Variants in LIMCH1 observed in about 807,000 individuals in gnomAD.
LIMCH1 encodes the protein LIM and calponin homology domains 1.
In LIMCH1, 113 loss-of-function variants were observed where a neutral mutation model predicts 176.5. The ratio of observed to expected loss-of-function variants is 0.64; its 90% CI spans 0.55 to 0.75. The LOEUF (loss-of-function observed/expected upper bound fraction) is 0.75. LIMCH1 is among the 30% of genes least tolerant of loss of function. The pLI, the probability that LIMCH1 is intolerant of heterozygous loss-of-function variation, is 0.00. For synonymous variants in LIMCH1, 619 were observed against 645.9 expected (o/e 0.96, Z 0.63); for missense variants, 1,674 against 1,814.9 (o/e 0.92, Z 1.41).
At chr4:41,691,323 G>T (rs1390822503) in intron 30 of LIMCH1, among the ~76,000 whole-genome samples, 1 of 152,104 alleles carries the variant, frequency 6.6e-6, no homozygotes, top group Non-Finnish European at 1.5e-5. Flanking sequence ...AACTTCCACT[G>T]CCTTTCTACC....
chr4:41,644,518 C>G lies in LIMCH1; in HGVS notation c.2145C>G (p.Asp715Glu), dbSNP rs748534413. ...CACTCAGGAGCACCAGCATGTTTGACATGCGGTGTGAGGAGGAGGCCGCGG... is the reference window on the plus strand; with the variant it reads ...CACTCAGGAGCACCAGCATGTTTGAGATGCGGTGTGAGGAGGAGGCCGCGG... Reference protein sequence around the residue: ...SDDAESTSMFDMRCEEEAAVQ... With the variant: ...SDDAESTSMFEMRCEEEAAVQ... The change falls in exon 15 of 32, where the codon GAC (aspartate) becomes GAG (glutamate). Residue 715 changes from aspartate to glutamate, a missense_variant. Physicochemically the swap from Asp to Glu is conservative, Grantham distance 45. Coordinates refer to ENST00000503057, the MANE Select transcript of LIMCH1 (RefSeq NM_001330672.2). 1 of 1,580,140 alleles carries G rather than the reference C, an allele frequency of 6.3e-7. No homozygotes were observed.
intron 1 of LIMCH1, among the ~76,000 whole-genome samples, chr4:41,454,633 G>T (rs1261887742): frequency 6.6e-6 from 1 of 152,180 alleles, no homozygotes; most frequent in Non-Finnish European, 1.5e-5. Flanking sequence ...CCCTGAGTAT[G>T]TGTCAAAGTA....
chr4:41,657,530 G>A (rs1042499140), intron 18 of LIMCH1, among the ~76,000 whole-genome samples: 3 of 152,140 alleles, frequency 2.0e-5, no homozygotes, highest in African/African-American at 7.2e-5. Flanking sequence ...CTATTACTCA[G>A]CCACTCTGAA....
At chr4:41,526,684 C>G (rs1187925382) in intron 3 of LIMCH1, among the ~76,000 whole-genome samples, 2 of 152,158 alleles carry the variant, frequency 1.3e-5, no homozygotes, top group African/African-American at 4.8e-5. Flanking sequence ...AACTCCAGAC[C>G]TCGTGTTCTG....
chr4:41,665,204 C>A (rs1196553883), intron 20 of LIMCH1, among the ~76,000 whole-genome samples: 1 of 152,182 alleles, frequency 6.6e-6, no homozygotes, highest in Non-Finnish European at 1.5e-5. Flanking sequence ...TAAAGCAAAG[C>A]ACCCATGCTT....
chr4:41,379,920 C>T (rs6834024), intron 1 of LIMCH1, among the ~76,000 whole-genome samples: 71,054 of 151,934 alleles, frequency 0.47, 20,202 homozygotes, highest in African/African-American at 0.81. Flanking sequence ...TGCCTCAGCC[C>T]CCTGAGTAGC....
chr4:41,527,582 T>C (rs2076788174), intron 3 of LIMCH1, among the ~76,000 whole-genome samples: 1 of 152,162 alleles, frequency 6.6e-6, no homozygotes, highest in Admixed American at 6.5e-5. Flanking sequence ...ACGCCTGTAA[T>C]CCCAGCACTT....
intron 1 of LIMCH1, among the ~76,000 whole-genome samples, chr4:41,579,712 A>G (rs2085087947): frequency 1.3e-5 from 2 of 152,238 alleles, no homozygotes; most frequent in Non-Finnish European, 2.9e-5. Context: ...CCCCCACTGT[A>G]CACTCAGTGT....
rs74316798 is a variant in LIMCH1 at position 41,426,949 on chromosome 4, C to G, written c.96+66013C>G. 7.5e-3 allele frequency among the ~76,000 whole-genome samples: 1,136 copies of G among 152,290 alleles called. 20 individuals carry two copies. The highest frequency in any genetic ancestry group is 0.025 in the African/African-American group (1,050 of 41,552). On this transcript the variant is annotated intron_variant, in intron 1 of 26. Transcript: ENST00000313860. The stretch of plus-strand genomic sequence containing the variant: ...GTATTCAGTGAAATTCCAGTTAACT[C>G]ATAACTCTTTGAGGCCATGGATGGA...
At chr4:41,588,239 A>T (rs550227523) in intron 1 of LIMCH1, among the ~76,000 whole-genome samples, 1 of 152,262 alleles carries the variant, frequency 6.6e-6, no homozygotes, top group East Asian at 1.9e-4. Context: ...TATTCTTTTT[A>T]AAAAATAATT....
chr4:41,449,741 T>C lies in LIMCH1; in HGVS notation c.97-44795T>C, dbSNP rs144389473. Among the ~76,000 whole-genome samples the C allele has an allele frequency of 2.0e-5, 3 of 152,364 alleles. No individual in the cohort carries two copies. The East Asian group carries it at 5.8e-4, about 29-fold the overall frequency. Reference sequence around the variant, plus strand: ...ACATTAAAGCTTATTGATTGGGCACTAATCATATGAGTTTGCTAGAGCTGC... The same window carrying C: ...ACATTAAAGCTTATTGATTGGGCACCAATCATATGAGTTTGCTAGAGCTGC... On this transcript the variant is annotated intron_variant, in intron 1 of 26. Coordinates refer to the LIMCH1 transcript ENST00000313860.
At chr4:41,439,155 G>A (rs1404783123) in intron 1 of LIMCH1, among the ~76,000 whole-genome samples, 1 of 152,200 alleles carries the variant, frequency 6.6e-6, no homozygotes, top group Admixed American at 6.5e-5. Context: ...ATTCCAGCAA[G>A]TCATGTTCTG....
chr4:41,671,745 G>A (rs1037916041), intron 22 of LIMCH1, 151 bp downstream of exon 22: 6 of 613,390 alleles, frequency 9.8e-6, no homozygotes, highest in African/African-American at 5.6e-5. Flanking sequence ...GGTGGATCAC[G>A]AGGTCAGGTG....
At position 41,627,019 on chromosome 4, in the gene LIMCH1, GGTGTGTGTGTGTGTGTGT is replaced by G. The variant is rs34266308; in HGVS notation, c.1028+26_1028+43del. The G allele has an allele frequency of 5.2e-5, 73 of 1,407,724 alleles. No individual in the cohort carries two copies. Among genetic ancestry groups the G allele is most frequent in the Non-Finnish European group, 6.1e-5 (65 of 1,066,256 alleles). 87.2% of individuals were successfully genotyped at this position (1,407,724 alleles called of 1,614,324 possible). A position where few individuals can be genotyped will look rare whatever the true frequency, so the allele number is the denominator to read the frequency against. ...AGTCTAGAATATAAAAGGTGTGCAT[GGTGTGTGTGTGTGTGTGT>G]GTGTGTGTGTGTGTGTCTATGAAAG... On this transcript the variant is annotated intron_variant, in intron 8 of 31. Coordinates refer to ENST00000503057, the MANE Select transcript of LIMCH1 (RefSeq NM_001330672.2).
At chr4:41,516,693 T>C (rs1395300413) in intron 2 of LIMCH1, among the ~76,000 whole-genome samples, 3 of 152,224 alleles carry the variant, frequency 2.0e-5, no homozygotes, top group Non-Finnish European at 4.4e-5. Context: ...ACAGTATAGA[T>C]GATTTTATTA....
At chr4:41,613,143 CTGT>C in intron 4 of LIMCH1, 1 of 1,471,220 alleles carries the variant, frequency 6.8e-7, no homozygotes, top group Non-Finnish European at 9.3e-7. Flanking sequence ...TATCATTGTA[CTGT>C]TGTGAATCCA....
intron 21 of LIMCH1, among the ~76,000 whole-genome samples, chr4:41,670,161 A>AT (rs1362689376): frequency 6.6e-6 from 1 of 152,194 alleles, no homozygotes; most frequent in East Asian, 1.9e-4. Context: ...TTAAAAACTG[A>AT]TTTTTTTATT....
At chr4:41,373,947 C>T (rs1398677247) in intron 1 of LIMCH1, among the ~76,000 whole-genome samples, 1 of 152,198 alleles carries the variant, frequency 6.6e-6, no homozygotes, top group Admixed American at 6.5e-5. Flanking sequence ...GCTCTCTCTT[C>T]CTCCTGTTCC....
At chr4:41,582,933 T>A (rs1216374553) in intron 1 of LIMCH1, among the ~76,000 whole-genome samples, 1 of 152,216 alleles carries the variant, frequency 6.6e-6, no homozygotes. Context: ...TACTGAACTT[T>A]ATTTTATTGT....
Sources: gnomAD v4.1 joint callset for allele counts (sites outside exome capture counted in the v4.1 genomes callset) on GRCh38, gnomAD v4.1.1 for gene constraint, MANE v1.5 for transcripts, NCBI Gene and HGNC (gene_info 2026-07-23, HGNC 2026-07-21) for gene names.